GBF1: variants seen among roughly 807,000 people sequenced by gnomAD.
The protein encoded by GBF1 is Golgi-specific brefeldin A-resistance guanine nucleotide exchange factor 1.
A neutral mutation model predicts 210.5 loss-of-function variants in GBF1; 114 were observed. The observed-to-expected ratio is 0.54, with a 90% CI of 0.47 to 0.63. The LOEUF (loss-of-function observed/expected upper bound fraction) is 0.63, where lower values mean the gene tolerates loss of function less well. Among genes scored for constraint, GBF1 ranks in the 30% least tolerant of loss-of-function variants. The pLI, the probability that GBF1 is intolerant of heterozygous loss-of-function variation, is 0.00. For synonymous variants in GBF1, 850 were observed against 889.2 expected (o/e 0.96, Z 0.78); for missense variants, 1,851 against 2,357.7 (o/e 0.79, Z 4.45).
intron 3 of GBF1, among the ~76,000 whole-genome samples, chr10:102,301,829 C>T (rs1165833192): frequency 6.6e-6 from 1 of 151,850 alleles, no homozygotes; most frequent in Non-Finnish European, 1.5e-5. Context: ...GATGGGCGGC[C>T]AGGCAGAGAC....
intron 1 of GBF1, among the ~76,000 whole-genome samples, chr10:102,251,917 A>G (rs894855828): frequency 2.0e-5 from 3 of 152,124 alleles, no homozygotes; most frequent in Non-Finnish European, 2.9e-5. Flanking sequence ...GTTCATGCCT[A>G]TAATCCCAGC....
intron 1 of GBF1, among the ~76,000 whole-genome samples, chr10:102,253,719 G>A (rs1009140250): frequency 1.3e-4 from 20 of 152,122 alleles, no homozygotes; most frequent in African/African-American, 4.8e-4. Context: ...TTGCTATGAT[G>A]CCCAGGCTGT....
intron 3 of GBF1, among the ~76,000 whole-genome samples, chr10:102,321,863 G>A (rs917092296): frequency 2.0e-5 from 3 of 151,636 alleles, no homozygotes; most frequent in Non-Finnish European, 4.4e-5. Context: ...ACTGCACCCA[G>A]CCTGTTTGTT....
intron 3 of GBF1, among the ~76,000 whole-genome samples, chr10:102,317,651 C>T (rs2055946939): frequency 6.6e-6 from 1 of 152,024 alleles, no homozygotes; most frequent in Non-Finnish European, 1.5e-5. Flanking sequence ...GAGATGGAAA[C>T]AAGAACCTCC....
intron 3 of GBF1, among the ~76,000 whole-genome samples, chr10:102,262,030 G>T (rs561434059): frequency 1.3e-5 from 2 of 152,170 alleles, no homozygotes; most frequent in African/African-American, 2.4e-5. Flanking sequence ...GATTATAGGC[G>T]TGTGCCACTA....
intron 3 of GBF1, among the ~76,000 whole-genome samples, chr10:102,282,867 G>T (rs1354952983): frequency 1.3e-5 from 2 of 152,194 alleles, no homozygotes; most frequent in Non-Finnish European, 2.9e-5. Context: ...TCACAGAACT[G>T]CAGTGCTAAG....
intron 1 of GBF1, among the ~76,000 whole-genome samples, chr10:102,251,645 C>T (rs192761722): frequency 6.6e-6 from 1 of 152,240 alleles, no homozygotes; most frequent in East Asian, 1.9e-4. Context: ...CCTGGAACTC[C>T]TGGGCTCAAG....
chr10:102,233,062 T>C, the GBF1 span, among the ~76,000 whole-genome samples: 1 of 152,206 alleles, frequency 6.6e-6, no homozygotes, highest in African/African-American at 2.4e-5. Context: ...ACTAGGTCTG[T>C]GAGACTCCTA....
chr10:102,341,872 G>A lies in GBF1; in HGVS notation c.164-2179G>A, dbSNP rs189116019. Among the ~76,000 whole-genome samples, 72 of 152,176 alleles carry A rather than the reference G, an allele frequency of 4.7e-4. No individual in the cohort carries two copies. In the East Asian group the frequency reaches 0.013, roughly 27 times the overall value. ...AAGTATATAGTTGTAGCAACTAAATGAAATCACAGAAAATCTGTACCTGTC... is the reference window on the plus strand; with the variant it reads ...AAGTATATAGTTGTAGCAACTAAATAAAATCACAGAAAATCTGTACCTGTC... On this transcript the variant is annotated intron_variant, in intron 3 of 39. Coordinates refer to ENST00000369983, the MANE Select transcript of GBF1 (RefSeq NM_001377137.1).
intron 38 of GBF1, 41 bp from the exon 39 acceptor site, chr10:102,381,086 A>T (rs990221562): frequency 2.5e-6 from 4 of 1,592,904 alleles, no homozygotes; most frequent in Non-Finnish European, 3.4e-6. Flanking sequence ...TGGAGAGAGA[A>T]AGCACTAAGA....
chr10:102,330,684 C>T (rs183522490), intron 3 of GBF1, among the ~76,000 whole-genome samples: 1 of 150,928 alleles, frequency 6.6e-6, no homozygotes, highest in African/African-American at 2.4e-5. Flanking sequence ...AAAATTCCAT[C>T]TCAAAAAAAA....
chr10:102,261,082 G>T (rs775400199), intron 3 of GBF1, among the ~76,000 whole-genome samples: 6 of 152,150 alleles, frequency 3.9e-5, no homozygotes, highest in Non-Finnish European at 8.8e-5. Flanking sequence ...AAGCCCAGAG[G>T]AGTTTAAAGT....
intron 1 of GBF1, among the ~76,000 whole-genome samples, chr10:102,252,454 A>G (rs2071681131): frequency 1.3e-5 from 2 of 152,188 alleles, no homozygotes; most frequent in South Asian, 4.1e-4. Context: ...GGAATGAGTA[A>G]GGGTTTATCA....
At chr10:102,329,226 G>A (rs1038558519) in intron 3 of GBF1, among the ~76,000 whole-genome samples, 3 of 152,170 alleles carry the variant, frequency 2.0e-5, no homozygotes, top group African/African-American at 4.8e-5. Flanking sequence ...GGATCAGTCT[G>A]TCCTTGGGTC....
At chr10:102,354,200 G>A (rs546743577) in intron 8 of GBF1, among the ~76,000 whole-genome samples, 3 of 152,280 alleles carry the variant, frequency 2.0e-5, no homozygotes, top group East Asian at 1.9e-4. Flanking sequence ...TGAGGATTCC[G>A]CTTGCAGCCC....
At chr10:102,346,172 A>G (rs914698302) in intron 4 of GBF1, among the ~76,000 whole-genome samples, 1 of 152,080 alleles carries the variant, frequency 6.6e-6, no homozygotes, top group Non-Finnish European at 1.5e-5. Context: ...TAGTAGAGAC[A>G]GGGTTTCACC....
At chr10:102,282,616 C>T (rs925454755) in intron 3 of GBF1, among the ~76,000 whole-genome samples, 3 of 152,172 alleles carry the variant, frequency 2.0e-5, no homozygotes, top group Non-Finnish European at 4.4e-5. Context: ...ACCAAAGGAA[C>T]TGATGGCAGA....
intron 28 of GBF1, 63 bp from the exon 29 acceptor site, chr10:102,370,644 G>A (rs2060155910): frequency 2.6e-6 from 4 of 1,541,178 alleles, no homozygotes; most frequent in Non-Finnish European, 3.6e-6. Flanking sequence ...GAAAGGCCTA[G>A]GGGACCTGTT....
chr10:102,230,840 C>T, the GBF1 span: 3 of 1,586,834 alleles, frequency 1.9e-6, no homozygotes, highest in South Asian at 1.1e-5. Context: ...ATGGAGGCGG[C>T]GATGGAGCTG....
Sources: allele counts gnomAD v4.1 joint callset (sites outside exome capture counted in the v4.1 genomes callset), GRCh38; gene constraint gnomAD v4.1.1; transcripts MANE v1.5; gene names NCBI Gene and HGNC (gene_info 2026-07-23, HGNC 2026-07-21).